Variants in AUH observed in about 807,000 individuals in gnomAD.
AUH encodes the protein methylglutaconyl-CoA hydratase, mitochondrial.
Under a neutral mutation model 42.3 loss-of-function variants are expected in AUH, and 29 were observed. That is an observed-to-expected ratio of 0.69 (90% CI 0.51 to 0.93). AUH has a LOEUF of 0.93. Ranked by LOEUF, AUH falls within the 40% of genes least tolerant of loss-of-function variation. AUH has a pLI of 0.00. For synonymous variants in AUH, 174 were observed against 166.4 expected, an observed-to-expected ratio of 1.05 and a Z score of -0.35; for missense variants, 452 against 438.1, an observed-to-expected ratio of 1.03 and a Z score of -0.28.
chr9:91,228,588 T>C (rs1352631940), intron 6 of AUH, among the ~76,000 whole-genome samples: 2 of 146,504 alleles, frequency 1.4e-5, no homozygotes, highest in African/African-American at 5.1e-5. Flanking sequence ...TTTCTTGCCT[T>C]CTGCTAGCTT....
At chr9:91,244,514 C>G (rs1319615953) in intron 6 of AUH, among the ~76,000 whole-genome samples, 7 of 152,306 alleles carry the variant, frequency 4.6e-5, no homozygotes, top group African/African-American at 1.4e-4. Context: ...CATTTTAAGG[C>G]ACAGCTAGAG....
At chr9:91,340,170 T>C (rs796889402) in intron 3 of AUH, among the ~76,000 whole-genome samples, 17 of 152,328 alleles carry the variant, frequency 1.1e-4, no homozygotes, top group African/African-American at 3.8e-4. Flanking sequence ...AGAGAGAACT[T>C]GTCAACACCT....
At chr9:91,245,171 A>G (rs1210273527) in intron 6 of AUH, among the ~76,000 whole-genome samples, 1 of 152,178 alleles carries the variant, frequency 6.6e-6, no homozygotes, top group African/African-American at 2.4e-5. Flanking sequence ...CTGGGAGCAC[A>G]CACAAGAGAT....
At chr9:91,351,791 C>T (rs1285327893) in intron 3 of AUH, among the ~76,000 whole-genome samples, 3 of 152,134 alleles carry the variant, frequency 2.0e-5, no homozygotes, top group Admixed American at 6.5e-5. Flanking sequence ...GCCAAGGTGG[C>T]CTGATGATCT....
At chr9:91,261,377 G>A (rs1829699407) in intron 6 of AUH, among the ~76,000 whole-genome samples, 1 of 152,090 alleles carries the variant, frequency 6.6e-6, no homozygotes, top group African/African-American at 2.4e-5. Flanking sequence ...TAATCCTTCT[G>A]GGTTTCTACT....
chr9:91,361,043 T>C (rs1468272222), intron 1 of AUH, among the ~76,000 whole-genome samples: 2 of 152,178 alleles, frequency 1.3e-5, no homozygotes, highest in Non-Finnish European at 2.9e-5. Context: ...AAGGGCAAGA[T>C]CCATACCATC....
chr9:91,345,832 CAA>C (rs57372374), intron 3 of AUH, among the ~76,000 whole-genome samples: 15 of 94,002 alleles, frequency 1.6e-4, no homozygotes, highest in Non-Finnish European at 1.6e-4. Flanking sequence ...GACTCCATCG[CAA>C]AAAAAAAAAA....
At chr9:91,332,110 C>T (rs1038849642) in intron 3 of AUH, among the ~76,000 whole-genome samples, 12 of 152,200 alleles carry the variant, frequency 7.9e-5, no homozygotes, top group African/African-American at 2.9e-4. Context: ...TGAACACTCA[C>T]ATTTTTAAAC....
intron 6 of AUH, among the ~76,000 whole-genome samples, chr9:91,242,172 T>C (rs757204818): frequency 1.9e-4 from 29 of 152,176 alleles, no homozygotes; most frequent in Non-Finnish European, 4.0e-4. Flanking sequence ...ATAGTCTTTT[T>C]ACAACCTATC....
At chr9:91,321,388 T>C (rs998489811) in intron 4 of AUH, among the ~76,000 whole-genome samples, 1 of 152,226 alleles carries the variant, frequency 6.6e-6, no homozygotes, top group African/African-American at 2.4e-5. Context: ...GTTTTTGTTT[T>C]GTTTTTTCTT....
At chr9:91,278,811 T>G (rs1825743225) in intron 6 of AUH, among the ~76,000 whole-genome samples, 1 of 152,162 alleles carries the variant, frequency 6.6e-6, no homozygotes, top group South Asian at 2.1e-4. Flanking sequence ...GGACAGTAAC[T>G]GTTGAAACAA....
intron 3 of AUH, among the ~76,000 whole-genome samples, chr9:91,350,874 A>G (rs1360495923): frequency 2.6e-5 from 4 of 152,150 alleles, no homozygotes; most frequent in Non-Finnish European, 5.9e-5. Flanking sequence ...TTTCAAAATT[A>G]TTTACTTTGC....
intron 1 of AUH, among the ~76,000 whole-genome samples, chr9:91,356,439 C>T (rs970806056): frequency 1.3e-5 from 2 of 152,084 alleles, no homozygotes; most frequent in African/African-American, 4.8e-5. Context: ...AAGTAGATAC[C>T]AAAGTAACCG....
intron 6 of AUH, among the ~76,000 whole-genome samples, chr9:91,241,341 C>T (rs992251077): frequency 6.6e-6 from 1 of 152,122 alleles, no homozygotes; most frequent in African/African-American, 2.4e-5. Flanking sequence ...CTATGTCTTA[C>T]ATGTGTTGCA....
At chr9:91,338,199 A>C (rs1024107729) in intron 3 of AUH, among the ~76,000 whole-genome samples, 2 of 152,168 alleles carry the variant, frequency 1.3e-5, no homozygotes, top group Non-Finnish European at 2.9e-5. Context: ...TCACTAACCA[A>C]AACCAAAACC....
chr9:91,222,436 C>T (rs2131225144), intron 6 of AUH, among the ~76,000 whole-genome samples: 1 of 152,294 alleles, frequency 6.6e-6, no homozygotes. Flanking sequence ...TGTTTTCAAA[C>T]AAATACAATA....
At chr9:91,295,214 GT>G (rs2131640754) in intron 6 of AUH, among the ~76,000 whole-genome samples, 1 of 152,196 alleles carries the variant, frequency 6.6e-6, no homozygotes, top group African/African-American at 2.4e-5. Context: ...AGAACTGTGA[GT>G]CCATTAAACC....
At chr9:91,300,992 C>A (rs943969329) in intron 4 of AUH, among the ~76,000 whole-genome samples, 1 of 152,262 alleles carries the variant, frequency 6.6e-6, no homozygotes, top group South Asian at 2.1e-4. Context: ...TACTCAATAA[C>A]GTTCTTACTA....
At chr9:91,295,693 T>G (rs1827270159) in intron 6 of AUH, among the ~76,000 whole-genome samples, 1 of 152,232 alleles carries the variant, frequency 6.6e-6, no homozygotes, top group African/African-American at 2.4e-5. Flanking sequence ...CAATAAAGTA[T>G]TTTTAAATTA....
Sources: allele counts gnomAD v4.1 joint callset (sites outside exome capture counted in the v4.1 genomes callset), GRCh38; gene constraint gnomAD v4.1.1; transcripts MANE v1.5; gene names NCBI Gene and HGNC (gene_info 2026-07-23, HGNC 2026-07-21).